Variants in PLA2G4E observed in about 807,000 individuals in gnomAD.
The protein encoded by PLA2G4E is cytosolic phospholipase A2 epsilon.
Under a neutral mutation model 109.1 loss-of-function variants are expected in PLA2G4E, and 84 were observed. That is an observed-to-expected ratio of 0.77 (90% CI 0.65 to 0.92). The LOEUF (loss-of-function observed/expected upper bound fraction) is 0.92, where lower values mean the gene tolerates loss of function less well. Among genes scored for constraint, PLA2G4E ranks in the 40% least tolerant of loss-of-function variants. PLA2G4E has a pLI of 0.00. For missense variants in PLA2G4E, 1,057 were observed against 1,076.6 expected, an observed-to-expected ratio of 0.98 and a Z score of 0.25; for synonymous variants, 469 against 436.1, an observed-to-expected ratio of 1.08 and a Z score of -0.94.
chr15:42,017,795 C>A (rs1306931931), intron 1 of PLA2G4E, among the ~76,000 whole-genome samples: 2 of 152,226 alleles, frequency 1.3e-5, no homozygotes, highest in Non-Finnish European at 2.9e-5. Flanking sequence ...TGCACTCTTA[C>A]TGGCTGTTTC....
intron 5 of PLA2G4E, 63 bp from the exon 6 acceptor site, chr15:42,002,759 C>T (rs370534960): frequency 1.4e-5 from 19 of 1,401,386 alleles, no homozygotes; most frequent in African/African-American, 4.3e-5. Context: ...CTTCTAATGG[C>T]GACAAAGGGA....
intron 18 of PLA2G4E, 47 bp from the exon 19 acceptor site, chr15:41,984,666 T>C: frequency 6.7e-7 from 1 of 1,481,536 alleles, no homozygotes; most frequent in Non-Finnish European, 9.1e-7. Flanking sequence ...GGAGTGGGAG[T>C]GGAGGAGAAG....
intron 1 of PLA2G4E, among the ~76,000 whole-genome samples, 198 bp from the exon 2 acceptor site, chr15:42,013,955 G>A (rs1305737221): frequency 1.5e-5 from 2 of 136,466 alleles, no homozygotes; most frequent in African/African-American, 5.5e-5. Context: ...GCCATGGCGC[G>A]ATCTCGGCTC....
At chr15:41,987,786 G>T (rs946501348) in intron 16 of PLA2G4E, among the ~76,000 whole-genome samples, 2 of 152,106 alleles carry the variant, frequency 1.3e-5, no homozygotes, top group South Asian at 4.1e-4. Flanking sequence ...GCCCTCCCAC[G>T]TCTTAGGCCA....
intron 16 of PLA2G4E, 41 bp from the exon 17 acceptor site, chr15:41,987,416 G>A (rs984185677): frequency 8.8e-6 from 14 of 1,582,254 alleles, no homozygotes; most frequent in South Asian, 1.1e-5. Flanking sequence ...CATGAGAGGT[G>A]GAGTCCCCAG....
rs2068471997 is a variant in PLA2G4E at position 42,005,989 on chromosome 15, C to T, written c.525+1G>A. On this transcript the variant is annotated splice_donor_variant, in intron 4 of 19. Coordinates refer to ENST00000399518, the Ensembl canonical transcript of PLA2G4E. LOFTEE classifies it high-confidence loss of function. Reference sequence around the variant, plus strand: ...TCTGAGGGCCTGTACCCTGCACCCACCTGCGGGTTGAGTGGAAACTTCACG... The same window carrying T: ...TCTGAGGGCCTGTACCCTGCACCCATCTGCGGGTTGAGTGGAAACTTCACG... The T allele has an allele frequency of 6.2e-7, 1 of 1,613,626 alleles. No homozygotes were observed. Among genetic ancestry groups the T allele is most frequent in the Non-Finnish European group, 8.5e-7 (1 of 1,179,710 alleles).
At chr15:42,048,691 C>A (rs1035220250) in intron 1 of PLA2G4E, among the ~76,000 whole-genome samples, 1 of 152,196 alleles carries the variant, frequency 6.6e-6, no homozygotes, top group Non-Finnish European at 1.5e-5. Context: ...AGGCACTGTG[C>A]TAAACATGTT....
In PLA2G4E at chr15:42,000,426, A is replaced by T. The variant is rs1566840233; in HGVS notation, c.674-144T>A. The T allele has an allele frequency of 5.0e-6, 4 of 792,314 alleles. No homozygotes were observed. In the South Asian group the frequency reaches 7.3e-5, roughly 14 times the overall value. 49.1% of individuals were successfully genotyped at this position (792,314 alleles called of 1,614,324 possible). On this transcript the variant is annotated intron_variant, in intron 7 of 19. Transcript: ENST00000399518. ...CAGTTCAAATTCCCCAGAGATTCTC[A>T]ATCTATAGGGTAGGGCAGGGCCCAG...
chr15:41,997,134 T>TGCAG lies in PLA2G4E; in HGVS notation c.1096_1099dup (p.Gln367ProfsTer59), dbSNP rs1418943530. The TGCAG allele has an allele frequency of 1.3e-6, 2 of 1,568,646 alleles. No homozygotes were observed. The highest frequency in any genetic ancestry group is 1.7e-6 in the Non-Finnish European group (2 of 1,157,178). On this transcript the variant is annotated frameshift_variant, in exon 11 of 20. Coordinates refer to ENST00000399518, the Ensembl canonical transcript of PLA2G4E. LOFTEE classifies it high-confidence loss of function. ...TCCCTGATTACCCACCTCGTCCTCC[T>TGCAG]GCAGGTCTTCCTCCAGCTGCAGCAC... is the stretch of plus-strand genomic sequence containing the variant.
chr15:42,002,286 AAG>A (rs2068429732), intron 6 of PLA2G4E, among the ~76,000 whole-genome samples: 2 of 149,554 alleles, frequency 1.3e-5, no homozygotes, highest in Non-Finnish European at 2.9e-5. Context: ...AAAAAAAAAA[AAG>A]GTAAACTGTG....
chr15:42,007,958 C>A, intron 2 of PLA2G4E, 93 bp from the exon 3 acceptor site: 1 of 1,375,872 alleles, frequency 7.3e-7, no homozygotes, highest in Non-Finnish European at 1.0e-6. Flanking sequence ...CAGAGCCAGG[C>A]CCCATCTCAG....
chr15:41,993,056 C>T (rs2068278694), intron 12 of PLA2G4E, 97 bp from the exon 13 acceptor site: 4 of 1,084,622 alleles, frequency 3.7e-6, no homozygotes, highest in South Asian at 1.6e-5. Flanking sequence ...CCATTGAGAA[C>T]CCTAACCTGC....
At chr15:42,030,070 G>A (rs1889086822) in intron 1 of PLA2G4E, among the ~76,000 whole-genome samples, 1 of 152,126 alleles carries the variant, frequency 6.6e-6, no homozygotes, top group South Asian at 2.1e-4. Context: ...GAAGGATATG[G>A]GCCTGACAAA....
At chr15:41,988,890 A>G (rs2068193512) in intron 15 of PLA2G4E, among the ~76,000 whole-genome samples, 1 of 152,202 alleles carries the variant, frequency 6.6e-6, no homozygotes, top group South Asian at 2.1e-4. Context: ...CAACTAATTT[A>G]AATAAGGGCG....
At chr15:41,984,353 T>C in intron 19 of PLA2G4E, 83 bp downstream of exon 19, 1 of 1,406,012 alleles carries the variant, frequency 7.1e-7, no homozygotes, top group Non-Finnish European at 9.7e-7. Context: ...TCCCCGTTAG[T>C]GCCCTTAGAG....
At chr15:42,044,310 C>T (rs928659718) in intron 1 of PLA2G4E, among the ~76,000 whole-genome samples, 3 of 152,074 alleles carry the variant, frequency 2.0e-5, no homozygotes, top group Admixed American at 2.0e-4. Context: ...GTAGGAAAAT[C>T]GGGGTTAGCT....
intron 12 of PLA2G4E, 117 bp from the exon 13 acceptor site, chr15:41,993,076 A>C: frequency 1.2e-6 from 1 of 864,610 alleles, no homozygotes; most frequent in South Asian, 1.7e-5. Flanking sequence ...CCAGGAGGGG[A>C]ACCTGGAGAG....
At chr15:42,037,988 C>G (rs932138612) in intron 1 of PLA2G4E, among the ~76,000 whole-genome samples, 2 of 152,186 alleles carry the variant, frequency 1.3e-5, no homozygotes, top group Non-Finnish European at 2.9e-5. Context: ...ACGAACCCAG[C>G]GGACCCAAGC....
chr15:41,985,928 C>T, exon 18 of PLA2G4E: 3 of 1,607,122 alleles, frequency 1.9e-6, no homozygotes, highest in Non-Finnish European at 2.5e-6. Flanking sequence ...CTGGAGTTGA[C>T]AAAGAACGCA....
Sources: gnomAD v4.1 joint callset for allele counts (sites outside exome capture counted in the v4.1 genomes callset) on GRCh38, gnomAD v4.1.1 for gene constraint, MANE v1.5 for transcripts, NCBI Gene and HGNC (gene_info 2026-07-23, HGNC 2026-07-21) for gene names.